Variants in LRMDA observed in about 807,000 individuals in gnomAD.
LRMDA encodes the protein leucine rich melanocyte differentiation associated.
A neutral mutation model predicts 29.8 loss-of-function variants in LRMDA; 18 were observed. The observed-to-expected ratio is 0.60, with a 90% CI of 0.42 to 0.90. The LOEUF (loss-of-function observed/expected upper bound fraction) is 0.90. Among genes scored for constraint, LRMDA ranks in the 40% least tolerant of loss-of-function variants. The pLI is 0.00. For synonymous variants in LRMDA, 125 were observed against 109.4 expected, an observed-to-expected ratio of 1.14 and a Z score of -0.89; for missense variants, 273 against 273.9, an observed-to-expected ratio of 1.00 and a Z score of 0.02.
intron 2 of LRMDA, among the ~76,000 whole-genome samples, chr10:75,932,897 C>T (rs1192809528): frequency 6.6e-6 from 1 of 152,120 alleles, no homozygotes; most frequent in Non-Finnish European, 1.5e-5. Flanking sequence ...AGCTACTTGA[C>T]ATAATCAACC....
chr10:76,152,911 G>T (rs2132167658), intron 5 of LRMDA, among the ~76,000 whole-genome samples: 1 of 152,000 alleles, frequency 6.6e-6, no homozygotes, highest in African/African-American at 2.4e-5. Context: ...CGTGATCTCG[G>T]CTCACTGCAA....
At chr10:75,463,677 GT>G (rs1049148696) in intron 2 of LRMDA, among the ~76,000 whole-genome samples, 2 of 151,300 alleles carry the variant, frequency 1.3e-5, no homozygotes, top group Admixed American at 6.6e-5. Flanking sequence ...TGTTTGTCTT[GT>G]TTTTTTTGAG....
intron 5 of LRMDA, among the ~76,000 whole-genome samples, chr10:76,138,228 C>G (rs919348210): frequency 1.3e-5 from 2 of 152,108 alleles, no homozygotes; most frequent in African/African-American, 2.4e-5. Flanking sequence ...CCCTCAATAA[C>G]AGCAAAACAG....
At chr10:76,348,432 G>A (rs548729286) in intron 6 of LRMDA, among the ~76,000 whole-genome samples, 1 of 152,236 alleles carries the variant, frequency 6.6e-6, no homozygotes, top group Admixed American at 6.5e-5. Flanking sequence ...GCTTAAGCAC[G>A]TATTTCCAAG....
intron 2 of LRMDA, among the ~76,000 whole-genome samples, chr10:75,556,946 T>TA (rs889017347): frequency 5.3e-5 from 8 of 150,448 alleles, no homozygotes; most frequent in Non-Finnish European, 7.4e-5. Flanking sequence ...ACTAAAATTC[T>TA]AAAAAAAAAC....
intron 2 of LRMDA, among the ~76,000 whole-genome samples, chr10:75,786,547 A>G (rs567520743): frequency 2.0e-5 from 3 of 152,186 alleles, no homozygotes; most frequent in Admixed American, 6.5e-5. Context: ...GTTTTCCTAT[A>G]TGGAATATAT....
At chr10:75,743,723 T>C (rs1842858337) in intron 2 of LRMDA, 1 of 152,164 alleles carries the variant, frequency 6.6e-6, no homozygotes, top group Non-Finnish European at 1.5e-5. Flanking sequence ...AGGAAATGGG[T>C]TCATGTTTAA....
At chr10:76,487,617 T>G (rs2132332190) in intron 6 of LRMDA, among the ~76,000 whole-genome samples, 1 of 151,974 alleles carries the variant, frequency 6.6e-6, no homozygotes, top group East Asian at 2.0e-4. Context: ...GAGACTCTGT[T>G]TAAGGTAGGG....
rs566962516 is a variant in LRMDA at position 76,503,029 on chromosome 10, G to A, written c.602-54180G>A. The stretch of plus-strand genomic sequence containing the variant: ...CTCTTCAGTATGACATTGGCTATGG[G>A]TTTGTCATAGATGGCTCTTATTATT... On this transcript the variant is annotated intron_variant, in intron 6 of 6. Transcript: ENST00000611255. 3.8e-4 allele frequency among the ~76,000 whole-genome samples: 58 copies of A among 151,996 alleles called. 1 individual carries two copies. The highest frequency in any genetic ancestry group is 1.7e-3 in the East Asian group (9 of 5,172).
intron 5 of LRMDA, among the ~76,000 whole-genome samples, chr10:76,300,682 T>C (rs922725842): frequency 6.6e-6 from 1 of 152,202 alleles, no homozygotes; most frequent in Non-Finnish European, 1.5e-5. Flanking sequence ...TTTTCTATGG[T>C]AGTTATTGAC....
At chr10:76,264,928 C>G (rs1839988447) in intron 5 of LRMDA, among the ~76,000 whole-genome samples, 1 of 152,214 alleles carries the variant, frequency 6.6e-6, no homozygotes, top group Non-Finnish European at 1.5e-5. Context: ...TGAGGTATCA[C>G]AGACAGACAT....
At chr10:75,907,671 C>T (rs974461282) in intron 2 of LRMDA, among the ~76,000 whole-genome samples, 1 of 152,190 alleles carries the variant, frequency 6.6e-6, no homozygotes, top group African/African-American at 2.4e-5. Flanking sequence ...ATCCACACCT[C>T]CCATGTGGTC....
chr10:75,933,028 T>G (rs1846231254), intron 2 of LRMDA, among the ~76,000 whole-genome samples: 2 of 152,218 alleles, frequency 1.3e-5, no homozygotes, highest in African/African-American at 4.8e-5. Flanking sequence ...GAAAGTGACT[T>G]AAGATGCTCA....
At chr10:75,531,649 G>C (rs1845479270) in intron 2 of LRMDA, among the ~76,000 whole-genome samples, 1 of 152,190 alleles carries the variant, frequency 6.6e-6, no homozygotes, top group South Asian at 2.1e-4. Flanking sequence ...CAGCACTCTT[G>C]TTCTCTGGAC....
chr10:76,442,590 G>A (rs897346559), intron 6 of LRMDA, among the ~76,000 whole-genome samples: 2 of 152,218 alleles, frequency 1.3e-5, no homozygotes, highest in South Asian at 2.1e-4. Flanking sequence ...CTACTCAGGA[G>A]GCTGGGGTTA....
At position 76,558,986 on chromosome 10, in the gene LRMDA, C is replaced by A. The variant is rs1239613244; in HGVS notation, c.*1698C>A. On this transcript the variant is annotated 3_prime_UTR_variant, in exon 7 of 7. Coordinates refer to ENST00000611255, the MANE Select transcript of LRMDA (RefSeq NM_001305581.2). ...TTTGAGTACCTTTTCTCTGTTTGAT[C>A]TACAAAACAGCACTGGAAAAATGCT... is the stretch of plus-strand genomic sequence containing the variant. 1 of 152,180 alleles carries A rather than the reference C, an allele frequency of 6.6e-6. No homozygotes were observed. The highest frequency in any genetic ancestry group is 1.5e-5 in the Non-Finnish European group (1 of 68,032). The allele number at this position is 152,180 out of a possible 1,614,324, so 9.4% of individuals were successfully genotyped here. A position where few individuals can be genotyped will look rare whatever the true frequency, so the allele number is the denominator to read the frequency against.
intron 3 of LRMDA, among the ~76,000 whole-genome samples, chr10:76,042,932 C>T (rs537156122): frequency 8.7e-4 from 132 of 152,116 alleles, no homozygotes; most frequent in African/African-American, 2.1e-3. Context: ...ATGATAGGAG[C>T]TGTATAAGAT....
At chr10:76,420,280 A>T (rs1453042193) in intron 6 of LRMDA, among the ~76,000 whole-genome samples, 3 of 151,868 alleles carry the variant, frequency 2.0e-5, no homozygotes, top group Non-Finnish European at 4.4e-5. Flanking sequence ...GTTTTGTTGT[A>T]TTTTTAAAAG....
At chr10:76,086,274 T>G (rs1260487976) in intron 5 of LRMDA, among the ~76,000 whole-genome samples, 2 of 152,158 alleles carry the variant, frequency 1.3e-5, no homozygotes, top group African/African-American at 4.8e-5. Flanking sequence ...CTTTCTGCCT[T>G]TCCTTCTCTG....
Sources: gnomAD v4.1 joint callset for allele counts (sites outside exome capture counted in the v4.1 genomes callset) on GRCh38, gnomAD v4.1.1 for gene constraint, MANE v1.5 for transcripts, NCBI Gene and HGNC (gene_info 2026-07-23, HGNC 2026-07-21) for gene names.